PRKG1: variants seen among roughly 807,000 people sequenced by gnomAD.
PRKG1 encodes the protein cGMP-dependent protein kinase 1.
PRKG1 carries 35 observed loss-of-function variants against 88.1 expected under a neutral mutation model. The observed-to-expected ratio is 0.40, with a 90% CI of 0.30 to 0.53. PRKG1 has a LOEUF of 0.53. PRKG1 is among the 20% of genes least tolerant of loss of function. The pLI, the probability that PRKG1 is intolerant of heterozygous loss-of-function variation, is 0.59. For synonymous variants in PRKG1, 303 were observed against 292.5 expected (o/e 1.04, Z -0.37); for missense variants, 540 against 839.8 (o/e 0.64, Z 4.41).
At chr10:51,830,621 G>A (rs528064746) in intron 4 of PRKG1, among the ~76,000 whole-genome samples, 1 of 147,020 alleles carries the variant, frequency 6.8e-6, no homozygotes, top group Non-Finnish European at 1.5e-5. Context: ...GAGAGCAGTG[G>A]CACAATCTCG....
intron 3 of PRKG1, among the ~76,000 whole-genome samples, chr10:51,516,385 T>C (rs892309526): frequency 1.7e-4 from 25 of 150,798 alleles, no homozygotes; most frequent in African/African-American, 6.1e-4. Flanking sequence ...GGATGGGAGG[T>C]GGAGTGGGCC....
At chr10:51,049,323 ACT>A (rs1302328137) in intron 1 of PRKG1, among the ~76,000 whole-genome samples, 2 of 152,192 alleles carry the variant, frequency 1.3e-5, no homozygotes, top group Non-Finnish European at 2.9e-5. Context: ...ACAAATTAAT[ACT>A]CTCATAACTG....
chr10:51,705,585 C>G (rs928259976), intron 3 of PRKG1, among the ~76,000 whole-genome samples: 3 of 152,168 alleles, frequency 2.0e-5, no homozygotes, highest in African/African-American at 7.2e-5. Context: ...AATGGACTCA[C>G]TCAAAATACA....
intron 3 of PRKG1, among the ~76,000 whole-genome samples, chr10:51,719,502 T>A (rs1841963515): frequency 6.6e-6 from 1 of 152,136 alleles, no homozygotes; most frequent in Non-Finnish European, 1.5e-5. Flanking sequence ...TCAGAACTGT[T>A]AAGTCAATGA....
At chr10:51,970,035 CA>C (rs1564733393) in intron 5 of PRKG1, among the ~76,000 whole-genome samples, 37 of 128,518 alleles carry the variant, frequency 2.9e-4, no homozygotes, top group African/African-American at 1.1e-3. Context: ...CACACACACA[CA>C]CACACACACA....
At chr10:51,555,143 C>T (rs1222842666) in intron 3 of PRKG1, among the ~76,000 whole-genome samples, 2 of 151,832 alleles carry the variant, frequency 1.3e-5, no homozygotes, top group African/African-American at 4.8e-5. Flanking sequence ...AGGGGGTTGT[C>T]ACGTTTTTCT....
chr10:51,555,888 A>G (rs1458164309), intron 3 of PRKG1, among the ~76,000 whole-genome samples: 1 of 151,982 alleles, frequency 6.6e-6, no homozygotes, highest in Non-Finnish European at 1.5e-5. Context: ...TGAAGTTACC[A>G]GATTCTAAAC....
At chr10:52,167,310 C>T (rs1026754162) in intron 9 of PRKG1, among the ~76,000 whole-genome samples, 11 of 152,150 alleles carry the variant, frequency 7.2e-5, no homozygotes, top group African/African-American at 2.2e-4. Flanking sequence ...GGAGAACTCA[C>T]TTATTATCAT....
chr10:51,061,333 A>C (rs1475440568), intron 1 of PRKG1, among the ~76,000 whole-genome samples: 3 of 152,126 alleles, frequency 2.0e-5, no homozygotes, highest in Non-Finnish European at 2.9e-5. Flanking sequence ...ATAGCACGGG[A>C]AAAACCTACC....
chr10:51,075,131 T>TTGTCAGATGTC (rs1164466113), intron 1 of PRKG1, among the ~76,000 whole-genome samples: 1 of 152,214 alleles, frequency 6.6e-6, no homozygotes, highest in African/African-American at 2.4e-5. Flanking sequence ...GTATTATTTT[T>TTGTCAGATGTC]AAATATACAT....
At chr10:51,917,273 C>T (rs191088271) in intron 5 of PRKG1, among the ~76,000 whole-genome samples, 55 of 147,240 alleles carry the variant, frequency 3.7e-4, no homozygotes, top group African/African-American at 1.3e-3. Context: ...GGGCCAAGAT[C>T]GTGCCACTGC....
At chr10:51,003,636 G>A (rs2132717262) in intron 1 of PRKG1, among the ~76,000 whole-genome samples, 1 of 152,276 alleles carries the variant, frequency 6.6e-6, no homozygotes, top group East Asian at 1.9e-4. Context: ...CAAAAACAAT[G>A]TGTGCTGGTT....
intron 3 of PRKG1, among the ~76,000 whole-genome samples, chr10:51,624,887 C>T (rs1839295436): frequency 1.3e-5 from 2 of 152,072 alleles, no homozygotes; most frequent in Non-Finnish European, 1.5e-5. Context: ...AGAGAGAATA[C>T]TGGTTATCAG....
chr10:51,911,080 G>A (rs534540060), intron 5 of PRKG1: 53 of 152,256 alleles, frequency 3.5e-4, no homozygotes, highest in African/African-American at 1.2e-3. Flanking sequence ...AAGTGAAGCA[G>A]AACATTGTCA....
At chr10:51,411,153 C>T (rs1838075559) in intron 2 of PRKG1, among the ~76,000 whole-genome samples, 1 of 152,134 alleles carries the variant, frequency 6.6e-6, no homozygotes, top group Non-Finnish European at 1.5e-5. Context: ...GTGTGCACCA[C>T]CACGCTTGGC....
intron 4 of PRKG1, among the ~76,000 whole-genome samples, 155 bp from the exon 5 acceptor site, chr10:51,907,352 T>C (rs1842107125): frequency 6.6e-6 from 1 of 150,914 alleles, no homozygotes; most frequent in African/African-American, 2.4e-5. Context: ...TTTGTTCTTT[T>C]TTTTCAGGTT....
At chr10:52,110,934 G>A (rs1023973003) in intron 7 of PRKG1, among the ~76,000 whole-genome samples, 1 of 152,140 alleles carries the variant, frequency 6.6e-6, no homozygotes, top group Admixed American at 6.5e-5. Flanking sequence ...CCATTGGACT[G>A]AGAAAGTACC....
chr10:51,508,185 A>T lies in PRKG1; in HGVS notation c.592+40349A>T, dbSNP rs142568938. On this transcript the variant is annotated intron_variant, in intron 3 of 17. Transcript: ENST00000373980. ...GGTACATGTAAAGCATTTAAACAGG[A>T]CCTGGCAAAGTGTTAATGCTCAAGA... Among the ~76,000 whole-genome samples, 383 of 152,282 alleles carry T rather than the reference A, an allele frequency of 2.5e-3. 3 individuals are homozygous for T. The highest frequency in any genetic ancestry group is 0.022 in the South Asian group (107 of 4,822).
At chr10:51,221,908 C>A (rs1485292268) in intron 2 of PRKG1, among the ~76,000 whole-genome samples, 5 of 135,796 alleles carry the variant, frequency 3.7e-5, no homozygotes, top group African/African-American at 1.4e-4. Context: ...GGGAGTTTCA[C>A]TCGTCGCCCA....
Sources: gnomAD v4.1 joint callset for allele counts (sites outside exome capture counted in the v4.1 genomes callset) on GRCh38, gnomAD v4.1.1 for gene constraint, MANE v1.5 for transcripts, NCBI Gene and HGNC (gene_info 2026-07-23, HGNC 2026-07-21) for gene names.